PTK2: variants seen among roughly 807,000 people sequenced by gnomAD.
PTK2 encodes the protein protein tyrosine kinase 2, also known as focal adhesion kinase 1.
Under a neutral mutation model 150.1 loss-of-function variants are expected in PTK2, and 45 were observed. The ratio of observed to expected loss-of-function variants is 0.30; its 90% confidence interval spans 0.24 to 0.38. The LOEUF (loss-of-function observed/expected upper bound fraction) is 0.38. Ranked by LOEUF, PTK2 falls within the 10% of genes least tolerant of loss-of-function variation. The pLI is 1.00. For synonymous variants in PTK2, 432 were observed against 449.2 expected (o/e 0.96, Z 0.48); for missense variants, 919 against 1,307.3 (o/e 0.70, Z 4.58).
intron 14 of PTK2, among the ~76,000 whole-genome samples, chr8:140,766,432 T>C (rs1372138509): frequency 6.6e-6 from 1 of 152,198 alleles, no homozygotes; most frequent in Non-Finnish European, 1.5e-5. Context: ...TCAGACTAAT[T>C]TGCCCCCATC....
chr8:140,734,946 T>G, intron 22 of PTK2: 5 of 443,262 alleles, frequency 1.1e-5, no homozygotes, highest in Middle Eastern at 6.3e-4. Flanking sequence ...TTGTGTTAGA[T>G]GAGATTAGTG....
At chr8:140,924,204 G>A (rs1224877900) in intron 2 of PTK2, among the ~76,000 whole-genome samples, 4 of 151,954 alleles carry the variant, frequency 2.6e-5, no homozygotes, top group Admixed American at 1.3e-4. Context: ...TCTTGCCCCC[G>A]CGTTATCCAC....
At chr8:140,683,949 C>T (rs866462584) in intron 27 of PTK2, among the ~76,000 whole-genome samples, 1 of 152,162 alleles carries the variant, frequency 6.6e-6, no homozygotes, top group East Asian at 1.9e-4. Context: ...AGAACTGAAA[C>T]AAGACCAGGA....
intron 4 of PTK2, among the ~76,000 whole-genome samples, chr8:140,877,826 A>G (rs2100146585): frequency 6.6e-6 from 1 of 152,202 alleles, no homozygotes; most frequent in Admixed American, 6.5e-5. Context: ...CTTGAAACAA[A>G]GTAAATAAAT....
At chr8:140,949,851 G>C (rs565880289) in intron 1 of PTK2, among the ~76,000 whole-genome samples, 1 of 152,290 alleles carries the variant, frequency 6.6e-6, no homozygotes, top group South Asian at 2.1e-4. Context: ...CCGGGAGCCA[G>C]GCCACCAGTT....
At chr8:140,998,373 G>C (rs961381829) in intron 1 of PTK2, among the ~76,000 whole-genome samples, 3 of 152,136 alleles carry the variant, frequency 2.0e-5, no homozygotes, top group Admixed American at 6.6e-5. Flanking sequence ...ATAACCTTTA[G>C]AGATATGAAC....
At chr8:140,940,439 ACT>A (rs1244628742) in intron 1 of PTK2, 3 of 151,772 alleles carry the variant, frequency 2.0e-5, no homozygotes, top group African/African-American at 4.8e-5. Flanking sequence ...ACAAAGCGAG[ACT>A]CTGTCTCAAA....
chr8:140,695,258 T>C (rs534025250), intron 26 of PTK2, among the ~76,000 whole-genome samples: 1 of 152,296 alleles, frequency 6.6e-6, no homozygotes, highest in Admixed American at 6.5e-5. Flanking sequence ...TTGTCCCTTT[T>C]AAGTCCGTCT....
chr8:140,987,249 C>T lies in PTK2; in HGVS notation c.-122+13876G>A, dbSNP rs373920900. On this transcript the variant is annotated intron_variant, in intron 1 of 31. Transcript: ENST00000522684. The stretch of plus-strand genomic sequence containing the variant: ...AGGCTGGAGTGCAGTGACACAATCT[C>T]GGCTGACTGCAACCTCTGCCGCCCA... 6.8e-4 allele frequency among the ~76,000 whole-genome samples: 103 copies of T among 152,298 alleles called. 1 individual carries two copies. Among genetic ancestry groups the T allele is most frequent in the Admixed American group, 6.3e-3 (96 of 15,284 alleles).
At chr8:140,799,490 C>A (rs762877570) in intron 12 of PTK2, among the ~76,000 whole-genome samples, 1 of 152,204 alleles carries the variant, frequency 6.6e-6, no homozygotes, top group East Asian at 1.9e-4. Flanking sequence ...ACTTCCACAG[C>A]GTGAGCTGCT....
intron 8 of PTK2, among the ~76,000 whole-genome samples, chr8:140,826,009 A>T (rs1231218470): frequency 1.3e-5 from 2 of 152,226 alleles, no homozygotes; most frequent in Admixed American, 1.3e-4. Context: ...AGCTAATCCA[A>T]GTTTCACTAA....
At chr8:140,760,909 TAAAA>T (rs1274446850) in intron 16 of PTK2, among the ~76,000 whole-genome samples, 2 of 152,188 alleles carry the variant, frequency 1.3e-5, no homozygotes, top group African/African-American at 2.4e-5. Context: ...CAGTCACCTA[TAAAA>T]ACTGTTACTG....
At chr8:140,906,005 A>T (rs539424430) in intron 2 of PTK2, among the ~76,000 whole-genome samples, 1 of 145,446 alleles carries the variant, frequency 6.9e-6, no homozygotes, top group Admixed American at 6.9e-5. Flanking sequence ...TCCTGTCTCT[A>T]AAAAAAAAAA....
At chr8:140,892,621 C>A in intron 2 of PTK2, 1 of 452,758 alleles carries the variant, frequency 2.2e-6, no homozygotes, top group Non-Finnish European at 4.4e-6. Flanking sequence ...TCATCCAAAT[C>A]ATTCTCCAAT....
rs1314160823 is a variant in PTK2, at chr8:140,802,748, T to C, written c.975+795A>G. On this transcript the variant is annotated intron_variant, in intron 11 of 31. Transcript: ENST00000522684. The stretch of plus-strand genomic sequence containing the variant: ...CATATATTTAGAGATACAAATACCA[T>C]TGTGTTACAATTGCCTAAAGTATTC... 9.2e-5 allele frequency among the ~76,000 whole-genome samples: 14 copies of C among 152,308 alleles called. No individual in the cohort carries two copies. The East Asian group carries it at 1.9e-3, about 21-fold the overall frequency.
At chr8:140,956,276 CAT>C (rs1486831997) in intron 1 of PTK2, among the ~76,000 whole-genome samples, 2 of 152,104 alleles carry the variant, frequency 1.3e-5, no homozygotes, top group Non-Finnish European at 2.9e-5. Flanking sequence ...TAATACCAGA[CAT>C]GTGAGAAAAT....
chr8:140,664,746 C>G (rs1427393833), intron 31 of PTK2, among the ~76,000 whole-genome samples, 171 bp downstream of exon 35: 2 of 152,174 alleles, frequency 1.3e-5, no homozygotes, highest in Non-Finnish European at 2.9e-5. Flanking sequence ...CTAGAATGAA[C>G]AGCCCCGTCC....
intron 1 of PTK2, among the ~76,000 whole-genome samples, chr8:140,950,634 G>C (rs528599272): frequency 6.6e-5 from 10 of 152,224 alleles, no homozygotes; most frequent in Non-Finnish European, 1.5e-4. Flanking sequence ...CAGTGGGCAT[G>C]GGCAATACTC....
intron 7 of PTK2, among the ~76,000 whole-genome samples, chr8:140,842,466 TC>T (rs1169391581): frequency 2.6e-5 from 4 of 152,064 alleles, no homozygotes; most frequent in Non-Finnish European, 5.9e-5. Flanking sequence ...GGTATTAAGC[TC>T]TTGACATAAA....
Sources: allele counts gnomAD v4.1 joint callset (sites outside exome capture counted in the v4.1 genomes callset), GRCh38; gene constraint gnomAD v4.1.1; transcripts MANE v1.5; gene names NCBI Gene and HGNC (gene_info 2026-07-23, HGNC 2026-07-21).